The following NIT2 variants were observed in gnomAD, a reference collection of about 807,000 sequenced individuals.
NIT2 encodes the protein omega-amidase NIT2.
Under a neutral mutation model 42.7 loss-of-function variants are expected in NIT2, and 46 were observed. The ratio of observed to expected loss-of-function variants is 1.08; its 90% confidence interval spans 0.85 to 1.38. The LOEUF is 1.38. Ranked by LOEUF, NIT2 falls within the 40% of genes most tolerant of loss-of-function variation. The pLI is 0.00. For synonymous variants in NIT2, 123 were observed against 121.9 expected (o/e 1.01, Z -0.06); for missense variants, 309 against 342.5 (o/e 0.90, Z 0.77).
intron 4 of NIT2, among the ~76,000 whole-genome samples, chr3:100,342,217 C>T (rs555770633): frequency 6.6e-6 from 1 of 152,166 alleles, no homozygotes; most frequent in African/African-American, 2.4e-5. Flanking sequence ...TTTGCTGGTA[C>T]GTGGTTTTTC....
In NIT2 at chr3:100,357,656, T is replaced by C. The variant is rs1419761446; in HGVS notation, c.*2388T>C. 6.7e-6 allele frequency: 1 copy of C among 149,340 alleles called. No homozygotes were observed. Among genetic ancestry groups the C allele is most frequent in the Non-Finnish European group, 1.5e-5 (1 of 67,590 alleles). The allele number at this position is 149,340 out of a possible 1,614,324, so 9.3% of individuals were successfully genotyped here. A position where few individuals can be genotyped will look rare whatever the true frequency, so the allele number is the denominator to read the frequency against. On this transcript the variant is annotated 3_prime_UTR_variant, in exon 10 of 10. Coordinates refer to ENST00000394140, the MANE Select transcript of NIT2 (RefSeq NM_020202.5). ...ACATTTCTTTTTTTTTTTTTTTTTT[T>C]TTTGAGACAGAGTCACGCTGTCGCC...
chr3:100,335,098 G>T (rs1576196607), intron 1 of NIT2: 2 of 450,906 alleles, frequency 4.4e-6, no homozygotes, highest in Non-Finnish European at 8.5e-6. Context: ...TTTCTCCACG[G>T]TGTGGGCCGC....
At chr3:100,341,331 G>C (rs1706148344) in intron 4 of NIT2, among the ~76,000 whole-genome samples, 170 bp downstream of exon 4, 1 of 152,048 alleles carries the variant, frequency 6.6e-6, no homozygotes. Context: ...TTTTATATAA[G>C]TTTTAGACTC....
Position 100,339,120 on chromosome 3 carries a change from C to T in NIT2, c.41C>T (p.Ser14Phe). The T allele has an allele frequency of 1.2e-6, 2 of 1,614,080 alleles. No individual in the cohort carries two copies. The highest frequency in any genetic ancestry group is 1.7e-6 in the Non-Finnish European group (2 of 1,179,960). The change falls in exon 2 of 10, where the codon TCT becomes TTT. Residue 14 changes from serine to phenylalanine, a missense_variant. Ser to Phe is a radical substitution (Grantham distance 155). Transcript: ENST00000394140. ...TTGGCCCTCATCCAGCTTCAGATTT[C>T]TTCCATCAAATCAGATAACGTCACT... is the stretch of plus-strand genomic sequence containing the variant. ...FRLALIQLQI[S>F]SIKSDNVTRA...
chr3:100,341,752 G>T (rs990852981), intron 4 of NIT2, among the ~76,000 whole-genome samples: 1 of 151,710 alleles, frequency 6.6e-6, no homozygotes, highest in Non-Finnish European at 1.5e-5. Context: ...TATTAAATGC[G>T]TATACATGAC....
At chr3:100,334,846 A>C in intron 1 of NIT2, 48 bp downstream of exon 1, 1 of 1,121,516 alleles carries the variant, frequency 8.9e-7, no homozygotes, top group Non-Finnish European at 1.1e-6. Context: ...GCCGCGGGGG[A>C]GGCTTTGGAG....
At chr3:100,344,171 G>T (rs1246274560) in intron 4 of NIT2, among the ~76,000 whole-genome samples, 1 of 152,204 alleles carries the variant, frequency 6.6e-6, no homozygotes, top group Non-Finnish European at 1.5e-5. Flanking sequence ...CTTCAAGCCA[G>T]TGTGATTATG....
intron 1 of NIT2, 65 bp downstream of exon 1, chr3:100,334,863 C>T: frequency 7.9e-7 from 1 of 1,272,670 alleles, no homozygotes; most frequent in Non-Finnish European, 9.9e-7. Flanking sequence ...GGAGCGGCGC[C>T]GGCGGTGGCT....
Position 100,355,351 on chromosome 3 carries a change from ATT to A in NIT2, c.*92_*93del. The A allele has an allele frequency of 3.8e-6, 4 of 1,040,818 alleles. No homozygotes were observed. The highest frequency in any genetic ancestry group is 5.6e-6 in the Non-Finnish European group (4 of 711,750). The allele number at this position is 1,040,818 out of a possible 1,614,324, so 64.5% of individuals were successfully genotyped here. On this transcript the variant is annotated 3_prime_UTR_variant, in exon 10 of 10. Coordinates refer to ENST00000394140, the MANE Select transcript of NIT2 (RefSeq NM_020202.5). ...CTCCCTATTAAATTCTTTAATGAAG[ATT>A]TTTTTTTTAATTCGGCCTTGTCCTT...
chr3:100,344,375 T>C (rs1206169598), intron 4 of NIT2, among the ~76,000 whole-genome samples: 1 of 152,208 alleles, frequency 6.6e-6, no homozygotes, highest in Non-Finnish European at 1.5e-5. Context: ...TTGTCCAGAG[T>C]TCATAGTTAA....
intron 7 of NIT2, among the ~76,000 whole-genome samples, chr3:100,350,851 C>T (rs1706265530): frequency 6.6e-6 from 1 of 151,882 alleles, no homozygotes; most frequent in Non-Finnish European, 1.5e-5. Context: ...AGCTATCTCT[C>T]CCCCCTGCCC....
chr3:100,347,484 T>G (rs1313780618), intron 6 of NIT2, among the ~76,000 whole-genome samples: 1 of 152,136 alleles, frequency 6.6e-6, no homozygotes, highest in Non-Finnish European at 1.5e-5. Flanking sequence ...CAGGCTAGAG[T>G]GCAGGCGTGA....
rs779233801 is a variant in NIT2, at chr3:100,334,771, G to C, written c.-21G>C. On this transcript the variant is annotated 5_prime_UTR_variant, in exon 1 of 10. Transcript: ENST00000394140. ...CTCCAGCGCTCAGTCCGCGCCGCAG[G>C]TGGTGCTTGTCTGCAGAGTCATGAC... The C allele has an allele frequency of 2.3e-6, 3 of 1,303,100 alleles. No individual in the cohort carries two copies. Among genetic ancestry groups the C allele is most frequent in the Admixed American group, 6.1e-5 (2 of 32,552 alleles). The allele number at this position is 1,303,100 out of a possible 1,614,324, so 80.7% of individuals were successfully genotyped here.
intron 1 of NIT2, 95 bp from the exon 2 acceptor site, chr3:100,338,992 G>C (rs1576198356): frequency 1.2e-6 from 1 of 840,488 alleles, no homozygotes; most frequent in Non-Finnish European, 2.0e-6. Flanking sequence ...ATGTCCCCCC[G>C]GGGACATAAC....
chr3:100,339,794 T>TC, intron 2 of NIT2, 21 bp from the exon 3 acceptor site: 1 of 1,597,124 alleles, frequency 6.3e-7, no homozygotes, highest in Non-Finnish European at 8.5e-7. Flanking sequence ...TCTTTTTTTT[T>TC]CTCTGCCAAT....
At chr3:100,345,710 A>G (rs1360291077) in intron 5 of NIT2, 32 bp downstream of exon 5, 12 of 1,318,462 alleles carry the variant, frequency 9.1e-6, no homozygotes, top group South Asian at 4.8e-5. Context: ...CTCTTTAGCA[A>G]TCTCAGTAGA....
At chr3:100,346,352 C>A in intron 6 of NIT2, 97 bp downstream of exon 6, 1 of 1,061,744 alleles carries the variant, frequency 9.4e-7, no homozygotes. Flanking sequence ...TGGGAGAGGG[C>A]TCTTTAATTT....
In NIT2 at chr3:100,345,692, A is replaced by G; in HGVS notation, c.430+14A>G. On this transcript the variant is annotated intron_variant, in intron 5 of 9. Transcript: ENST00000394140. ...CATTTGATACTCGTATGTACCAGAT[A>G]AGTTTGCCTCTTTAGCAATCTCAGT... 2 of 1,547,856 alleles carry G rather than the reference A, an allele frequency of 1.3e-6. No homozygotes were observed. Among genetic ancestry groups the G allele is most frequent in the Non-Finnish European group, 1.8e-6 (2 of 1,120,694 alleles).
In NIT2 at chr3:100,355,940, G is replaced by A. The variant is rs79134653; in HGVS notation, c.*672G>A. On this transcript the variant is annotated 3_prime_UTR_variant, in exon 10 of 10. Coordinates refer to ENST00000394140, the MANE Select transcript of NIT2 (RefSeq NM_020202.5). ...GTCTGCAAAAGATTTTTTTGATAGCGTTGAGTGTCTGAAAGTCCCATTATT... is the reference window on the plus strand; with the variant it reads ...GTCTGCAAAAGATTTTTTTGATAGCATTGAGTGTCTGAAAGTCCCATTATT... 2 of 152,196 alleles carry A rather than the reference G, an allele frequency of 1.3e-5. No individual in the cohort carries two copies. Among genetic ancestry groups the A allele is most frequent in the East Asian group, 3.8e-4 (2 of 5,208 alleles). 9.4% of individuals were successfully genotyped at this position (152,196 alleles called of 1,614,324 possible). A position where few individuals can be genotyped will look rare whatever the true frequency, so the allele number is the denominator to read the frequency against.
Sources: gnomAD v4.1 joint callset for allele counts (sites outside exome capture counted in the v4.1 genomes callset) on GRCh38, gnomAD v4.1.1 for gene constraint, MANE v1.5 for transcripts, NCBI Gene and HGNC (gene_info 2026-07-23, HGNC 2026-07-21) for gene names.